The following ZNF143 variants were observed in gnomAD, a reference collection of about 807,000 sequenced individuals.
The protein encoded by ZNF143 is SPH-binding factor.
A neutral mutation model predicts 74.1 loss-of-function variants in ZNF143; 49 were observed. The ratio of observed to expected loss-of-function variants is 0.66; its 90% CI spans 0.53 to 0.84. The LOEUF (loss-of-function observed/expected upper bound fraction) is 0.84, where lower values mean the gene tolerates loss of function less well. Among genes scored for constraint, ZNF143 ranks in the 40% least tolerant of loss-of-function variants. The pLI is 0.00. For missense variants in ZNF143, 637 were observed against 793.4 expected, an observed-to-expected ratio of 0.80 and a Z score of 2.37; for synonymous variants, 304 against 282.8, an observed-to-expected ratio of 1.07 and a Z score of -0.75.
At chr11:9,478,647 G>A in intron 6 of ZNF143, 61 bp downstream of exon 6, 1 of 1,545,838 alleles carries the variant, frequency 6.5e-7, no homozygotes, top group Non-Finnish European at 8.8e-7. Flanking sequence ...TTCATGAAAA[G>A]AAAAGAAAAC....
At chr11:9,513,095 G>C (rs576244107) in intron 13 of ZNF143, among the ~76,000 whole-genome samples, 5 of 152,296 alleles carry the variant, frequency 3.3e-5, no homozygotes, top group African/African-American at 1.2e-4. Flanking sequence ...GTTGTTCTCT[G>C]TTAGCCAAAC....
intron 13 of ZNF143, among the ~76,000 whole-genome samples, chr11:9,515,826 T>C (rs984114486): frequency 2.0e-5 from 3 of 151,248 alleles, no homozygotes; most frequent in Admixed American, 2.0e-4. Flanking sequence ...ACAAAAAAAA[T>C]GACAAGTAAT....
At chr11:9,480,276 A>G (rs1484416768) in intron 7 of ZNF143, among the ~76,000 whole-genome samples, 1 of 152,162 alleles carries the variant, frequency 6.6e-6, no homozygotes, top group Admixed American at 6.6e-5. Context: ...TTGTGTTGGG[A>G]TGTTCGTGTG....
At chr11:9,496,604 T>C (rs1228158424) in intron 9 of ZNF143, among the ~76,000 whole-genome samples, 1 of 151,226 alleles carries the variant, frequency 6.6e-6, no homozygotes, top group African/African-American at 2.4e-5. Context: ...TCTTTTTCTT[T>C]TTCTTTTTTT....
At chr11:9,479,647 A>C in intron 7 of ZNF143, 101 bp downstream of exon 7, 1 of 900,286 alleles carries the variant, frequency 1.1e-6, no homozygotes, top group Non-Finnish European at 1.7e-6. Flanking sequence ...CTCTAGGAAA[A>C]TCTCACCAGT....
At position 9,528,055 on chromosome 11, in the gene ZNF143, A is replaced by G. The variant is rs905371545; in HGVS notation, c.*442A>G. ...ATAATAAAGGGTGTAAAGCCTTCAG[A>G]TATTTCCCCAGTTAGTAGAGTGTCT... On this transcript the variant is annotated 3_prime_UTR_variant, in exon 16 of 16. Coordinates refer to ENST00000396602, the MANE Select transcript of ZNF143 (RefSeq NM_003442.6). The G allele has an allele frequency of 2.0e-5, 3 of 153,720 alleles. No homozygotes were observed. The highest frequency in any genetic ancestry group is 7.2e-5 in the African/African-American group (3 of 41,588). The allele number at this position is 153,720 out of a possible 1,614,324, so 9.5% of individuals were successfully genotyped here.
intron 7 of ZNF143, among the ~76,000 whole-genome samples, chr11:9,483,236 A>C (rs1847319128): frequency 6.9e-6 from 1 of 145,826 alleles, no homozygotes. Flanking sequence ...TCCAGTGATC[A>C]ACCCACCTCA....
At position 9,467,874 on chromosome 11, in the gene ZNF143, G is replaced by A. The variant is rs1590493608; in HGVS notation, c.-7-3428G>A. ...AAAAAAAAAAAAAAAAAAGTTGTCT[G>A]TCAGGAATTCCTTCTATAATTTTCA... is the stretch of plus-strand genomic sequence containing the variant. On this transcript the variant is annotated intron_variant, in intron 1 of 15. Coordinates refer to ENST00000396602, the MANE Select transcript of ZNF143 (RefSeq NM_003442.6). Among the ~76,000 whole-genome samples, 4 of 147,610 alleles carry A rather than the reference G, an allele frequency of 2.7e-5. No individual in the cohort carries two copies. In the South Asian group the frequency reaches 8.6e-4, roughly 32 times the overall value.
At chr11:9,510,494 A>G (rs1848503732) in intron 12 of ZNF143, among the ~76,000 whole-genome samples, 1 of 152,124 alleles carries the variant, frequency 6.6e-6, no homozygotes, top group South Asian at 2.1e-4. Context: ...ACAAAACTAA[A>G]CTAAGATTGT....
chr11:9,480,510 C>T (rs892584982), intron 7 of ZNF143, among the ~76,000 whole-genome samples: 12 of 152,148 alleles, frequency 7.9e-5, no homozygotes, highest in Admixed American at 7.9e-4. Flanking sequence ...TTGAGTGATA[C>T]TGTTAGGGGT....
chr11:9,516,451 A>G, intron 14 of ZNF143, 89 bp downstream of exon 14: 2 of 1,275,866 alleles, frequency 1.6e-6, no homozygotes, highest in Non-Finnish European at 2.1e-6. Flanking sequence ...ACAGTTAAGC[A>G]CACAAACTTG....
intron 14 of ZNF143, among the ~76,000 whole-genome samples, chr11:9,523,905 G>A (rs1211881694): frequency 6.6e-6 from 1 of 151,474 alleles, no homozygotes; most frequent in Non-Finnish European, 1.5e-5. Context: ...AAAATTAGCC[G>A]AGTGAGGTGC....
intron 5 of ZNF143, among the ~76,000 whole-genome samples, chr11:9,475,872 T>G (rs112362589): frequency 1.4e-3 from 217 of 150,940 alleles, no homozygotes; most frequent in African/African-American, 4.7e-3. Context: ...CACTCCAGCC[T>G]GGGCAACAGA....
intron 5 of ZNF143, among the ~76,000 whole-genome samples, chr11:9,477,555 G>C (rs186522366): frequency 6.6e-6 from 1 of 151,920 alleles, no homozygotes; most frequent in African/African-American, 2.4e-5. Context: ...ACAAAAGGCC[G>C]CACTTTTTTC....
Position 9,528,006 on chromosome 11 carries a change from T to C in ZNF143, c.*393T>C, listed in dbSNP as rs1378280477. ...ATCAAAGGTTCTATATGTCACACAATCGTAATTCCAAAAGCCATTATGGAT... is the reference window on the plus strand; with the variant it reads ...ATCAAAGGTTCTATATGTCACACAACCGTAATTCCAAAAGCCATTATGGAT... On this transcript the variant is annotated 3_prime_UTR_variant, in exon 16 of 16. Coordinates refer to ENST00000396602, the MANE Select transcript of ZNF143 (RefSeq NM_003442.6). 4.4e-5 allele frequency: 7 copies of C among 157,574 alleles called. No individual in the cohort carries two copies. The South Asian group carries it at 1.4e-3, about 31-fold the overall frequency. 9.8% of individuals were successfully genotyped at this position (157,574 alleles called of 1,614,324 possible).
intron 5 of ZNF143, among the ~76,000 whole-genome samples, chr11:9,477,730 G>C (rs1857026253): frequency 6.6e-6 from 1 of 152,142 alleles, no homozygotes; most frequent in Middle Eastern, 3.4e-3. Context: ...CACCATGGAG[G>C]GACTGTGGAG....
At chr11:9,464,961 GT>G (rs1262859111) in intron 1 of ZNF143, among the ~76,000 whole-genome samples, 1 of 151,972 alleles carries the variant, frequency 6.6e-6, no homozygotes, top group Non-Finnish European at 1.5e-5. Context: ...GCCTATAAGG[GT>G]AATTAATTTG....
intron 1 of ZNF143, among the ~76,000 whole-genome samples, chr11:9,461,304 T>G (rs1237519230): frequency 2.0e-5 from 3 of 152,094 alleles, no homozygotes; most frequent in African/African-American, 4.8e-5. Context: ...CTTTTTTCGT[T>G]GAGGACTCAA....
chr11:9,499,709 C>T (rs1038001154), intron 10 of ZNF143, among the ~76,000 whole-genome samples: 3 of 152,110 alleles, frequency 2.0e-5, no homozygotes, highest in East Asian at 1.9e-4. Flanking sequence ...TAGTGAGACT[C>T]ATCTCTTAAA....
Sources: gnomAD v4.1 joint callset for allele counts (sites outside exome capture counted in the v4.1 genomes callset) on GRCh38, gnomAD v4.1.1 for gene constraint, MANE v1.5 for transcripts, NCBI Gene and HGNC (gene_info 2026-07-23, HGNC 2026-07-21) for gene names.